Variants in EXOC4 observed in about 807,000 individuals in gnomAD.
EXOC4 encodes the protein exocyst complex component 4.
In EXOC4, 71 loss-of-function variants were observed where a neutral mutation model predicts 107.2. That is an observed-to-expected ratio of 0.66 (90% CI 0.55 to 0.81). The LOEUF is 0.81. Ranked by LOEUF, EXOC4 falls within the 30% of genes least tolerant of loss-of-function variation. The pLI, the probability that EXOC4 is intolerant of heterozygous loss-of-function variation, is 0.00. For synonymous variants in EXOC4, 456 were observed against 441.2 expected (o/e 1.03, Z -0.42); for missense variants, 1,108 against 1,189.6 (o/e 0.93, Z 1.01).
chr7:133,850,706 T>C (rs563378329), intron 11 of EXOC4, among the ~76,000 whole-genome samples: 1 of 151,950 alleles, frequency 6.6e-6, no homozygotes, highest in South Asian at 2.1e-4. Context: ...ATCCGGCCTC[T>C]GCTGAATACA....
chr7:133,527,809 C>T (rs1353127042), intron 9 of EXOC4, among the ~76,000 whole-genome samples: 1 of 152,130 alleles, frequency 6.6e-6, no homozygotes, highest in African/African-American at 2.4e-5. Context: ...TAAAATACAA[C>T]ACTGATAATC....
intron 9 of EXOC4, among the ~76,000 whole-genome samples, chr7:133,504,251 A>T (rs1799627784): frequency 6.6e-6 from 1 of 152,158 alleles, no homozygotes; most frequent in Non-Finnish European, 1.5e-5. Context: ...AATTTATAAA[A>T]ATTGAGAAAA....
chr7:133,321,273 CTTTTT>C (rs955363972), intron 5 of EXOC4, among the ~76,000 whole-genome samples: 5 of 145,906 alleles, frequency 3.4e-5, no homozygotes, highest in African/African-American at 7.5e-5. Flanking sequence ...TTGTGGGTGA[CTTTTT>C]TTTTTTAAAT....
intron 10 of EXOC4, among the ~76,000 whole-genome samples, chr7:133,758,989 A>G (rs1357602991): frequency 6.6e-6 from 1 of 152,182 alleles, no homozygotes. Flanking sequence ...GTAAAGAGGA[A>G]TAAGGAGAGG....
At chr7:133,807,987 T>G (rs1032581452) in intron 10 of EXOC4, among the ~76,000 whole-genome samples, 1 of 152,170 alleles carries the variant, frequency 6.6e-6, no homozygotes, top group Non-Finnish European at 1.5e-5. Context: ...TAGATAATAT[T>G]CTTTCTCCCT....
chr7:133,446,353 T>A (rs905429412), intron 7 of EXOC4, among the ~76,000 whole-genome samples: 1 of 152,220 alleles, frequency 6.6e-6, no homozygotes, highest in Non-Finnish European at 1.5e-5. Flanking sequence ...TTTTTCGCCC[T>A]ACTCTGTGCT....
At chr7:133,995,301 A>G (rs951857471) in intron 14 of EXOC4, among the ~76,000 whole-genome samples, 3 of 152,192 alleles carry the variant, frequency 2.0e-5, no homozygotes, top group Non-Finnish European at 4.4e-5. Flanking sequence ...CTTTGATGGA[A>G]TTTGGTCTAT....
intron 17 of EXOC4, among the ~76,000 whole-genome samples, chr7:134,033,491 C>T (rs958265960): frequency 3.9e-5 from 6 of 152,110 alleles, no homozygotes; most frequent in African/African-American, 1.2e-4. Context: ...TGCACCACCC[C>T]ACATAACACT....
intron 9 of EXOC4, among the ~76,000 whole-genome samples, chr7:133,602,553 C>T (rs778773666): frequency 6.6e-6 from 1 of 152,138 alleles, no homozygotes; most frequent in African/African-American, 2.4e-5. Context: ...AAAATTAACA[C>T]GGGGTCTAGG....
intron 7 of EXOC4, among the ~76,000 whole-genome samples, chr7:133,391,526 G>A (rs1462477435): frequency 1.3e-5 from 2 of 152,192 alleles, no homozygotes; most frequent in Admixed American, 1.3e-4. Context: ...AGACAAACGG[G>A]TAGGAGTCCC....
intron 12 of EXOC4, among the ~76,000 whole-genome samples, chr7:133,905,819 G>C (rs981236203): frequency 6.6e-6 from 1 of 152,082 alleles, no homozygotes; most frequent in Admixed American, 6.5e-5. Context: ...ACTCATGCTG[G>C]ACATGAAGAA....
In EXOC4 at chr7:134,065,358, G is replaced by A. The variant is rs1015496163; in HGVS notation, c.*830G>A. ...CATCTCACTTGAAACATCCTTTGGG[G>A]GTAAATGATTCTTAGGTGCTCACTT... On this transcript the variant is annotated 3_prime_UTR_variant, in exon 18 of 18. Coordinates refer to ENST00000253861, the MANE Select transcript of EXOC4 (RefSeq NM_021807.4). 1.3e-5 allele frequency: 2 copies of A among 152,076 alleles called. No homozygotes were observed. Among genetic ancestry groups the A allele is most frequent in the Non-Finnish European group, 2.9e-5 (2 of 68,036 alleles). The allele number at this position is 152,076 out of a possible 1,614,324, so 9.4% of individuals were successfully genotyped here.
At chr7:133,629,864 T>G (rs1802547542) in intron 9 of EXOC4, among the ~76,000 whole-genome samples, 181 bp from the exon 10 acceptor site, 1 of 152,068 alleles carries the variant, frequency 6.6e-6, no homozygotes, top group Non-Finnish European at 1.5e-5. Flanking sequence ...TCTAATCTGT[T>G]GTTTATTCAA....
At chr7:133,895,108 C>A (rs1210316589) in intron 11 of EXOC4, 1 of 115,814 alleles carries the variant, frequency 8.6e-6, no homozygotes, top group Non-Finnish European at 1.7e-5. Flanking sequence ...CCCTCCGAGC[C>A]AGGTGTGGGA....
intron 10 of EXOC4, among the ~76,000 whole-genome samples, chr7:133,688,869 G>A (rs542360073): frequency 1.3e-5 from 2 of 152,230 alleles, no homozygotes; most frequent in African/African-American, 4.8e-5. Flanking sequence ...TACTAGTCAG[G>A]CATTCACAAC....
chr7:133,970,342 A>G (rs1425363858), intron 14 of EXOC4, among the ~76,000 whole-genome samples: 4 of 150,812 alleles, frequency 2.7e-5, no homozygotes, highest in African/African-American at 4.9e-5. Context: ...CCCCCTTTCC[A>G]GGGGGGTGAA....
intron 10 of EXOC4, among the ~76,000 whole-genome samples, chr7:133,704,757 T>G (rs1363474389): frequency 2.6e-5 from 4 of 152,216 alleles, no homozygotes; most frequent in Non-Finnish European, 5.9e-5. Context: ...TTGGGAGTGC[T>G]GAATAAACTG....
intron 14 of EXOC4, among the ~76,000 whole-genome samples, chr7:133,953,603 A>T (rs1800744799): frequency 6.6e-6 from 1 of 152,038 alleles, no homozygotes. Flanking sequence ...GTGAGGTGTG[A>T]TTGCACCACT....
At chr7:133,997,290 A>G (rs1450932195) in intron 14 of EXOC4, among the ~76,000 whole-genome samples, 1 of 152,230 alleles carries the variant, frequency 6.6e-6, no homozygotes, top group East Asian at 1.9e-4. Context: ...ATATTATTAT[A>G]TGAATTGATT....
Sources: gnomAD v4.1 joint callset for allele counts (sites outside exome capture counted in the v4.1 genomes callset) on GRCh38, gnomAD v4.1.1 for gene constraint, MANE v1.5 for transcripts, NCBI Gene and HGNC (gene_info 2026-07-23, HGNC 2026-07-21) for gene names.